The following AMOTL1 variants were observed in gnomAD, a reference collection of about 807,000 sequenced individuals.
AMOTL1 encodes the protein angiomotin-like protein 1.
AMOTL1 carries 45 observed loss-of-function variants against 102.9 expected under a neutral mutation model. The ratio of observed to expected loss-of-function variants is 0.44; its 90% CI spans 0.34 to 0.56. The LOEUF is 0.56. Ranked by LOEUF, AMOTL1 falls within the 20% of genes least tolerant of loss-of-function variation. AMOTL1 has a pLI of 0.01. For synonymous variants in AMOTL1, 481 were observed against 484.7 expected (o/e 0.99, Z 0.10); for missense variants, 1,114 against 1,225.6 (o/e 0.91, Z 1.36).
intron 1 of AMOTL1, among the ~76,000 whole-genome samples, chr11:94,718,132 C>T (rs1950122846): frequency 6.6e-6 from 1 of 151,932 alleles, no homozygotes; most frequent in African/African-American, 2.4e-5. Flanking sequence ...CCTTGAAGGC[C>T]TGTCTCTATG....
chr11:94,868,238 C>T (rs1447503880), intron 11 of AMOTL1, among the ~76,000 whole-genome samples: 3 of 152,178 alleles, frequency 2.0e-5, no homozygotes, highest in South Asian at 2.1e-4. Flanking sequence ...ACAGCTCTGG[C>T]GAGGATACTT....
chr11:94,820,292 T>A (rs145066619), intron 3 of AMOTL1: 3 of 152,512 alleles, frequency 2.0e-5, no homozygotes, highest in African/African-American at 7.2e-5. Flanking sequence ...CTGGGCCTCA[T>A]TGGACTCCAC....
intron 1 of AMOTL1, among the ~76,000 whole-genome samples, chr11:94,771,223 GTAACCT>G (rs1342888497): frequency 8.9e-5 from 10 of 112,934 alleles, no homozygotes; most frequent in Non-Finnish European, 1.7e-4. Flanking sequence ...TTCCCCCAAA[GTAACCT>G]TTTCTATTTT....
intron 3 of AMOTL1, among the ~76,000 whole-genome samples, chr11:94,818,408 A>G (rs1360614033): frequency 1.3e-5 from 2 of 152,262 alleles, no homozygotes; most frequent in Non-Finnish European, 2.9e-5. Flanking sequence ...GGCTGAGCTC[A>G]AAGCATTGAA....
chr11:94,717,529 C>G (rs1267048390), intron 1 of AMOTL1, among the ~76,000 whole-genome samples: 2 of 151,630 alleles, frequency 1.3e-5, no homozygotes, highest in Non-Finnish European at 2.9e-5. Context: ...AAAGTTAAAG[C>G]TGTATTCCTG....
intron 2 of AMOTL1, among the ~76,000 whole-genome samples, chr11:94,729,965 G>T (rs1177626026): frequency 6.6e-6 from 1 of 152,018 alleles, no homozygotes; most frequent in African/African-American, 2.4e-5. Context: ...ACTACACCAG[G>T]GTATGTCTTC....
chr11:94,799,806 C>T lies in AMOTL1; in HGVS notation c.616C>T (p.Gln206Ter). The change falls in exon 3 of 13, where the codon CAG becomes TAG. Residue 206 changes from glutamine to a stop codon, truncating the protein, a stop_gained. Transcript: ENST00000433060. LOFTEE classifies it high-confidence loss of function. The surrounding 1 kb of genome is among the most constrained non-coding windows in gnomAD (Gnocchi z 4.5). ...AQSQFFRGQQQQQQQQGAVGH... is the reference protein window; with the variant it reads ...AQSQFFRGQQ ...GTCGCAGTTCTTCAGGGGGCAGCAGCAGCAGCAACAGCAGCAGGGGGCGGT... is the reference window on the plus strand; with the variant it reads ...GTCGCAGTTCTTCAGGGGGCAGCAGTAGCAGCAACAGCAGCAGGGGGCGGT... 1 of 1,596,294 alleles carries T rather than the reference C, an allele frequency of 6.3e-7. No individual in the cohort carries two copies. The highest frequency in any genetic ancestry group is 8.5e-7 in the Non-Finnish European group (1 of 1,170,656).
chr11:94,804,194 C>A (rs577782316), intron 3 of AMOTL1, among the ~76,000 whole-genome samples: 1 of 152,292 alleles, frequency 6.6e-6, no homozygotes, highest in Non-Finnish European at 1.5e-5. Flanking sequence ...GCCAGAAAAC[C>A]TTGTAAAAAT....
intron 4 of AMOTL1, among the ~76,000 whole-genome samples, chr11:94,823,138 A>G (rs767019934): frequency 6.6e-6 from 1 of 152,140 alleles, no homozygotes; most frequent in Non-Finnish European, 1.5e-5. Flanking sequence ...AGGGTTTTAG[A>G]GTAGTAGGCT....
chr11:94,761,020 C>G (rs536426795), intron 3 of AMOTL1, among the ~76,000 whole-genome samples: 1 of 152,106 alleles, frequency 6.6e-6, no homozygotes, highest in East Asian at 1.9e-4. Flanking sequence ...GCGATCTTCC[C>G]GTCTTGGCCT....
chr11:94,849,766 A>C (rs2135708304), intron 6 of AMOTL1, among the ~76,000 whole-genome samples: 1 of 152,270 alleles, frequency 6.6e-6, no homozygotes, highest in Admixed American at 6.5e-5. Context: ...GATTTGGAAA[A>C]TGGAAGCAGG....
chr11:94,822,448 C>G (rs1951883932), intron 4 of AMOTL1, among the ~76,000 whole-genome samples: 1 of 151,964 alleles, frequency 6.6e-6, no homozygotes, highest in Admixed American at 6.5e-5. Flanking sequence ...ATAAATAAAA[C>G]CACAGAGAAA....
chr11:94,800,112 G>A lies in AMOTL1; in HGVS notation c.922G>A (p.Gly308Ser). ...TGCAGGTAAAGTGCTGGACCCTCGG[G>A]GTCCTCCACCTGAGTACCCCTTCAA... is the stretch of plus-strand genomic sequence containing the variant. ...QPAGKVLDPR[G>S]PPPEYPFKTK... is the part of the protein sequence containing the mutation. Residue 308 changes from glycine to serine, a missense_variant, in exon 3 of 13, where the codon GGT (glycine) becomes AGT (serine). Physicochemically the swap from Gly to Ser is moderately conservative, Grantham distance 56. Coordinates refer to ENST00000433060, the MANE Select transcript of AMOTL1 (RefSeq NM_130847.3). 6.2e-7 allele frequency: 1 copy of A among 1,613,932 alleles called. No homozygotes were observed. The highest frequency in any genetic ancestry group is 8.5e-7 in the Non-Finnish European group (1 of 1,179,868).
At chr11:94,716,995 C>A (rs1451257180) in intron 1 of AMOTL1, among the ~76,000 whole-genome samples, 1 of 151,948 alleles carries the variant, frequency 6.6e-6, no homozygotes, top group Non-Finnish European at 1.5e-5. Context: ...CTGCCTCTGG[C>A]CAGAGCCAGC....
chr11:94,816,654 A>G (rs183597045), intron 3 of AMOTL1, among the ~76,000 whole-genome samples: 44 of 152,246 alleles, frequency 2.9e-4, no homozygotes, highest in Non-Finnish European at 5.0e-4. Flanking sequence ...GTAACTTTCT[A>G]TATTTTGCTT....
At chr11:94,813,480 T>TAA (rs1218814180) in intron 3 of AMOTL1, among the ~76,000 whole-genome samples, 1 of 152,208 alleles carries the variant, frequency 6.6e-6, no homozygotes, top group African/African-American at 2.4e-5. Flanking sequence ...AGTGCAATTC[T>TAA]TTATTCCATA....
At chr11:94,727,694 A>G (rs2135454095) in intron 1 of AMOTL1, among the ~76,000 whole-genome samples, 1 of 152,230 alleles carries the variant, frequency 6.6e-6, no homozygotes, top group South Asian at 2.1e-4. Flanking sequence ...GGATTTATTG[A>G]TAAGTCTAAC....
intron 4 of AMOTL1, among the ~76,000 whole-genome samples, chr11:94,826,399 T>C (rs1224484208): frequency 1.3e-5 from 2 of 152,224 alleles, no homozygotes; most frequent in Non-Finnish European, 2.9e-5. Context: ...TATAACCGAA[T>C]ATCTGAGACT....
chr11:94,730,005 G>A (rs1490450676), intron 2 of AMOTL1, among the ~76,000 whole-genome samples: 1 of 152,148 alleles, frequency 6.6e-6, no homozygotes, highest in Non-Finnish European at 1.5e-5. Context: ...CAATGAGATA[G>A]TCGCCAAAGG....
Sources: allele counts gnomAD v4.1 joint callset (sites outside exome capture counted in the v4.1 genomes callset), GRCh38; gene constraint gnomAD v4.1.1; non-coding constraint Gnocchi (gnomAD v3.1); transcripts MANE v1.5; gene names NCBI Gene and HGNC (gene_info 2026-07-23, HGNC 2026-07-21).